Variants in KLF12 observed in about 807,000 individuals in gnomAD.
The protein encoded by KLF12 is KLF transcription factor 12.
In KLF12, 9 loss-of-function variants were observed where a neutral mutation model predicts 37.8. That is an observed-to-expected ratio of 0.24 (90% CI 0.14 to 0.42). The LOEUF (loss-of-function observed/expected upper bound fraction) is 0.42, where lower values mean the gene tolerates loss of function less well. KLF12 is among the 10% of genes least tolerant of loss of function. The pLI is 1.00. For missense variants in KLF12, 411 were observed against 516.0 expected (o/e 0.80, Z 1.97); for synonymous variants, 208 against 202.1 (o/e 1.03, Z -0.25).
intron 3 of KLF12, among the ~76,000 whole-genome samples, chr13:73,937,224 G>C (rs189136222): frequency 3.9e-4 from 59 of 151,908 alleles, no homozygotes; most frequent in African/African-American, 1.4e-3. Context: ...GATATTTTTT[G>C]TGATGCACTT....
At chr13:73,757,038 A>C (rs1879215830) in intron 6 of KLF12, among the ~76,000 whole-genome samples, 4 of 152,174 alleles carry the variant, frequency 2.6e-5, no homozygotes, top group Non-Finnish European at 5.9e-5. Flanking sequence ...AACCCCATCT[A>C]TACAGCATAC....
At chr13:73,724,009 C>T (rs11841415) in intron 6 of KLF12, among the ~76,000 whole-genome samples, 23,186 of 152,112 alleles carry the variant, frequency 0.15, 2,913 homozygotes, top group African/African-American at 0.35. Flanking sequence ...AGAACCAGAA[C>T]TACCATTTGA....
intron 1 of KLF12, among the ~76,000 whole-genome samples, chr13:74,048,644 A>G (rs1363813516): frequency 1.3e-5 from 2 of 152,200 alleles, no homozygotes; most frequent in Non-Finnish European, 2.9e-5. Context: ...AGATAAGGAA[A>G]TAAGTCAAGA....
chr13:73,980,828 G>C (rs570419205), intron 2 of KLF12, among the ~76,000 whole-genome samples: 1 of 152,080 alleles, frequency 6.6e-6, no homozygotes, highest in Non-Finnish European at 1.5e-5. Context: ...CAGTTAGTAC[G>C]GACGTGGTAA....
At chr13:74,270,681 G>T in the KLF12 span, among the ~76,000 whole-genome samples, 1 of 152,156 alleles carries the variant, frequency 6.6e-6, no homozygotes, top group Non-Finnish European at 1.5e-5. Context: ...TGTTCTGTAA[G>T]CAAATTATTG....
At chr13:73,957,197 A>G (rs1243403330) in intron 2 of KLF12, among the ~76,000 whole-genome samples, 1 of 115,782 alleles carries the variant, frequency 8.6e-6, no homozygotes, top group Non-Finnish European at 1.9e-5. Context: ...TCAATATTGA[A>G]AGAAAATAAC....
At chr13:73,729,907 A>C (rs9318208) in intron 6 of KLF12, among the ~76,000 whole-genome samples, 103,653 of 143,942 alleles carry the variant, frequency 0.72, 35,665 homozygotes, top group Middle Eastern at 0.82. Context: ...ACCTCAAATG[A>C]ATGAAAAATG....
chr13:73,849,681 A>G (rs1249236244), intron 3 of KLF12, among the ~76,000 whole-genome samples: 1 of 152,186 alleles, frequency 6.6e-6, no homozygotes. Flanking sequence ...AAGCACAAGG[A>G]AGAGACACTT....
intron 1 of KLF12, among the ~76,000 whole-genome samples, chr13:74,014,132 T>C (rs1892622997): frequency 6.6e-6 from 1 of 152,204 alleles, no homozygotes; most frequent in Admixed American, 6.5e-5. Context: ...TTCCACAATT[T>C]GGAGTTCTTG....
intron 5 of KLF12, among the ~76,000 whole-genome samples, chr13:73,785,492 C>A (rs1881281509): frequency 6.6e-6 from 1 of 152,176 alleles, no homozygotes; most frequent in African/African-American, 2.4e-5. Flanking sequence ...CAGCTTTAAT[C>A]TTGCCCAATT....
intron 4 of KLF12, among the ~76,000 whole-genome samples, chr13:73,832,640 T>A (rs984150771): frequency 1.3e-5 from 2 of 152,220 alleles, no homozygotes; most frequent in African/African-American, 4.8e-5. Flanking sequence ...ATCAGAGAAC[T>A]GAGGAGGAAA....
chr13:73,805,610 A>AAGGAAGGG (rs1365031217), intron 5 of KLF12, among the ~76,000 whole-genome samples: 23 of 67,024 alleles, frequency 3.4e-4, no homozygotes, highest in African/African-American at 1.5e-3. Flanking sequence ...TGTCAGAAGG[A>AAGGAAGGG]AGGGAGGGAG....
At chr13:73,920,011 A>G (rs2139210285) in intron 3 of KLF12, among the ~76,000 whole-genome samples, 1 of 152,242 alleles carries the variant, frequency 6.6e-6, no homozygotes, top group African/African-American at 2.4e-5. Flanking sequence ...TGCTGTCGGG[A>G]CATCCACTCC....
intron 3 of KLF12, among the ~76,000 whole-genome samples, chr13:73,889,078 GTCT>G (rs1162702310): frequency 1.3e-5 from 2 of 152,142 alleles, no homozygotes; most frequent in Admixed American, 1.3e-4. Context: ...GACATCTTTA[GTCT>G]TCTTCTGTTA....
intron 4 of KLF12, among the ~76,000 whole-genome samples, chr13:73,816,162 A>G (rs1004025945): frequency 5.9e-5 from 9 of 152,226 alleles, no homozygotes; most frequent in Admixed American, 4.6e-4. Context: ...GCATACTTGC[A>G]TAATTCCACT....
At chr13:73,846,993 A>T (rs1885064441) in intron 3 of KLF12, among the ~76,000 whole-genome samples, 1 of 152,174 alleles carries the variant, frequency 6.6e-6, no homozygotes, top group African/African-American at 2.4e-5. Context: ...TTGTCTATGA[A>T]TTTTCATTTA....
the KLF12 span, among the ~76,000 whole-genome samples, chr13:74,247,362 A>G: frequency 0.017 from 2,539 of 152,276 alleles, 83 homozygotes; most frequent in African/African-American, 0.058. Context: ...CTTTGAAAAA[A>G]ATACCAGCCA....
chr13:74,071,426 C>T (rs982579335), intron 1 of KLF12, among the ~76,000 whole-genome samples: 1 of 152,156 alleles, frequency 6.6e-6, no homozygotes, highest in African/African-American at 2.4e-5. Context: ...GTGGCTTCCA[C>T]CTGTCATCCC....
At chr13:74,239,980 G>A in the KLF12 span, among the ~76,000 whole-genome samples, 16 of 151,088 alleles carry the variant, frequency 1.1e-4, no homozygotes, top group East Asian at 3.2e-3. Context: ...ATTTGATCCT[G>A]TCATTATGAT....
Sources: gnomAD v4.1 joint callset for allele counts (sites outside exome capture counted in the v4.1 genomes callset) on GRCh38, gnomAD v4.1.1 for gene constraint, MANE v1.5 for transcripts, NCBI Gene and HGNC (gene_info 2026-07-23, HGNC 2026-07-21) for gene names.